The following TTLL5 variants were observed in gnomAD, a reference collection of about 807,000 sequenced individuals.
TTLL5 encodes the protein tubulin tyrosine ligase like 5.
In TTLL5, 132 loss-of-function variants were observed where a neutral mutation model predicts 168.4. The observed-to-expected ratio is 0.78, with a 90% CI of 0.68 to 0.91. The LOEUF (loss-of-function observed/expected upper bound fraction) is 0.91. Among genes scored for constraint, TTLL5 ranks in the 40% least tolerant of loss-of-function variants. The probability of loss-of-function intolerance (pLI) is 0.00; values close to 1 mark genes in which losing one functional copy is unlikely to be tolerated. For missense variants in TTLL5, 1,545 were observed against 1,581.5 expected, an observed-to-expected ratio of 0.98 and a Z score of 0.39; for synonymous variants, 546 against 558.6, an observed-to-expected ratio of 0.98 and a Z score of 0.32.
chr14:75,791,163 ATACT>A (rs909072478), intron 26 of TTLL5, among the ~76,000 whole-genome samples: 2 of 151,018 alleles, frequency 1.3e-5, no homozygotes, highest in Non-Finnish European at 3.0e-5. Flanking sequence ...GAAAATTTAC[ATACT>A]TTGTGACCCA....
At chr14:75,830,460 A>T (rs183341900) in intron 28 of TTLL5, among the ~76,000 whole-genome samples, 38 of 152,348 alleles carry the variant, frequency 2.5e-4, no homozygotes, top group Non-Finnish European at 4.6e-4. Context: ...ACACACAAAA[A>T]TATGTAAGGT....
At position 75,908,476 on chromosome 14, in the gene TTLL5, C is replaced by T. The variant is rs754011669; in HGVS notation, c.3823+6252C>T. On this transcript the variant is annotated intron_variant, in intron 31 of 31. Coordinates refer to ENST00000298832, the MANE Select transcript of TTLL5 (RefSeq NM_015072.5). The stretch of plus-strand genomic sequence containing the variant: ...CATAATCACGAACGAATGTCATCAC[C>T]GGCCATGACAGTCCTAGAACCTCTT... Among the ~76,000 whole-genome samples, 12 of 152,364 alleles carry T rather than the reference C, an allele frequency of 7.9e-5. No homozygotes were observed. The South Asian group carries it at 1.5e-3, about 18-fold the overall frequency.
At position 75,870,577 on chromosome 14, in the gene TTLL5, G is replaced by A. The variant is rs1281005198; in HGVS notation, c.3522+6715G>A. Among the ~76,000 whole-genome samples the A allele has an allele frequency of 1.3e-5, 2 of 152,180 alleles. 1 individual carries two copies. The highest frequency in any genetic ancestry group is 4.1e-4 in the South Asian group (2 of 4,826). ...TGTTCTAGAGGTTTGGATAGTAGGA[G>A]CACTTGTATGGGTTGTTACTAATTC... On this transcript the variant is annotated intron_variant, in intron 29 of 31. Coordinates refer to ENST00000298832, the MANE Select transcript of TTLL5 (RefSeq NM_015072.5).
intron 3 of TTLL5, among the ~76,000 whole-genome samples, chr14:75,677,894 C>A (rs1594854482): frequency 6.6e-6 from 1 of 151,806 alleles, no homozygotes. Flanking sequence ...AGCCTCCCAT[C>A]GTACTGGGAT....
chr14:75,954,092 C>CA (rs747997751), intron 31 of TTLL5, among the ~76,000 whole-genome samples: 5 of 151,644 alleles, frequency 3.3e-5, no homozygotes, highest in Admixed American at 6.6e-5. Context: ...ACTAAAAATA[C>CA]AAAAAAATTA....
At chr14:75,683,708 G>A in intron 5 of TTLL5, 52 bp downstream of exon 5, 2 of 1,403,808 alleles carry the variant, frequency 1.4e-6, no homozygotes, top group Non-Finnish European at 2.0e-6. Flanking sequence ...TGACATTGGG[G>A]CATGTAGCCA....
intron 28 of TTLL5, among the ~76,000 whole-genome samples, chr14:75,845,081 G>A (rs952180513): frequency 2.6e-5 from 4 of 152,172 alleles, no homozygotes; most frequent in Non-Finnish European, 4.4e-5. Context: ...CAGATAAAAT[G>A]TCATTTCTAC....
intron 31 of TTLL5, among the ~76,000 whole-genome samples, chr14:75,933,219 G>A (rs1207892259): frequency 6.6e-6 from 1 of 152,174 alleles, no homozygotes; most frequent in Non-Finnish European, 1.5e-5. Flanking sequence ...GCACTTGGGA[G>A]GCCAAGACGG....
chr14:75,879,450 G>A (rs184166008), intron 29 of TTLL5, among the ~76,000 whole-genome samples: 2 of 152,344 alleles, frequency 1.3e-5, no homozygotes, highest in Non-Finnish European at 2.9e-5. Flanking sequence ...ACTGAGGTAG[G>A]TAGAGGTTTG....
At chr14:75,723,499 T>C (rs1887976898) in intron 12 of TTLL5, among the ~76,000 whole-genome samples, 1 of 152,174 alleles carries the variant, frequency 6.6e-6, no homozygotes, top group African/African-American at 2.4e-5. Flanking sequence ...TAAAGGTTTA[T>C]TTTTCTACAT....
At chr14:75,778,255 TGTG>T (rs1247330979) in intron 23 of TTLL5, among the ~76,000 whole-genome samples, 8 of 152,198 alleles carry the variant, frequency 5.3e-5, no homozygotes, top group African/African-American at 9.7e-5. Flanking sequence ...TGGGAAATAA[TGTG>T]GTGACGTCAG....
chr14:75,943,498 T>C (rs2140200657), intron 31 of TTLL5, among the ~76,000 whole-genome samples: 1 of 152,316 alleles, frequency 6.6e-6, no homozygotes, highest in East Asian at 1.9e-4. Context: ...GCTGGACCCC[T>C]TGTAAGCTTG....
At chr14:75,866,187 G>C (rs771999095) in intron 29 of TTLL5, among the ~76,000 whole-genome samples, 4 of 152,218 alleles carry the variant, frequency 2.6e-5, no homozygotes, top group African/African-American at 9.6e-5. Context: ...TTCCACAGTG[G>C]AAGCAAAGCC....
chr14:75,896,617 T>C (rs72725636), intron 30 of TTLL5, among the ~76,000 whole-genome samples: 18 of 152,324 alleles, frequency 1.2e-4, no homozygotes, highest in Non-Finnish European at 2.4e-4. Flanking sequence ...GTTGGGGATG[T>C]GGAAAGCCTT....
In TTLL5 at chr14:75,884,082, A is replaced by G. The variant is rs182690131; in HGVS notation, c.3740+1180A>G. On this transcript the variant is annotated intron_variant, in intron 30 of 31. Transcript: ENST00000298832. ...TAAAAATAAAACAATAAGAGTATCTACCTCCTAGGTCAGTTGTTAAATGTT... is the reference window on the plus strand; with the variant it reads ...TAAAAATAAAACAATAAGAGTATCTGCCTCCTAGGTCAGTTGTTAAATGTT... Among the ~76,000 whole-genome samples the G allele has an allele frequency of 2.5e-3, 373 of 152,230 alleles. 2 individuals carry two copies. The highest frequency in any genetic ancestry group is 7.9e-3 in the African/African-American group (327 of 41,540).
intron 7 of TTLL5, among the ~76,000 whole-genome samples, chr14:75,706,120 C>A (rs1886645629): frequency 6.6e-6 from 1 of 152,204 alleles, no homozygotes; most frequent in Non-Finnish European, 1.5e-5. Flanking sequence ...GGGCTCCTTT[C>A]TTCTCCACCA....
At chr14:75,751,830 T>G (rs555190479) in intron 17 of TTLL5, among the ~76,000 whole-genome samples, 1 of 152,124 alleles carries the variant, frequency 6.6e-6, no homozygotes, top group Non-Finnish European at 1.5e-5. Context: ...TAAGGTAAAG[T>G]GAAAGCAAGT....
chr14:75,816,216 G>A (rs371957241), intron 27 of TTLL5, among the ~76,000 whole-genome samples: 1 of 152,306 alleles, frequency 6.6e-6, no homozygotes, highest in East Asian at 1.9e-4. Flanking sequence ...ACCACTTGAG[G>A]TCAGGGGTTA....
chr14:75,820,199 C>G, intron 28 of TTLL5, 38 bp downstream of exon 28: 1 of 1,528,522 alleles, frequency 6.5e-7, no homozygotes. Flanking sequence ...TTGGGTTACT[C>G]AGGGATGGCC....
Sources: allele counts gnomAD v4.1 joint callset (sites outside exome capture counted in the v4.1 genomes callset), GRCh38; gene constraint gnomAD v4.1.1; transcripts MANE v1.5; gene names NCBI Gene and HGNC (gene_info 2026-07-23, HGNC 2026-07-21).